The following FHIT variants were observed in gnomAD, a reference collection of about 807,000 sequenced individuals.
FHIT encodes the protein fragile histidine triad diadenosine triphosphatase, also known as bis(5'-adenosyl)-triphosphatase.
Under a neutral mutation model 17.9 loss-of-function variants are expected in FHIT, and 19 were observed. The observed-to-expected ratio is 1.06, with a 90% CI of 0.74 to 1.56. FHIT has a LOEUF of 1.56. FHIT is among the 40% of genes most tolerant of loss of function. The pLI is 0.00. For synonymous variants in FHIT, 81 were observed against 69.7 expected (o/e 1.16, Z -0.81); for missense variants, 248 against 189.2 (o/e 1.31, Z -1.82).
At chr3:60,970,488 C>T (rs1709961074) in intron 3 of FHIT, among the ~76,000 whole-genome samples, 1 of 151,940 alleles carries the variant, frequency 6.6e-6, no homozygotes, top group East Asian at 1.9e-4. Context: ...ATATTCTTAT[C>T]ACTATCTTAA....
chr3:60,925,975 G>T (rs1707583059), intron 3 of FHIT, among the ~76,000 whole-genome samples: 1 of 152,154 alleles, frequency 6.6e-6, no homozygotes, highest in East Asian at 1.9e-4. Flanking sequence ...TTACATAATG[G>T]TAAAGGGATC....
At chr3:61,060,132 T>C (rs1394925970) in intron 2 of FHIT, among the ~76,000 whole-genome samples, 1 of 152,176 alleles carries the variant, frequency 6.6e-6, no homozygotes, top group Non-Finnish European at 1.5e-5. Flanking sequence ...ATAATTATCT[T>C]ACCTGTTTTT....
chr3:60,030,977 T>C lies in FHIT; in HGVS notation c.104-16825A>G, dbSNP rs1398227656. On this transcript the variant is annotated intron_variant, in intron 5 of 9. Coordinates refer to ENST00000492590, the MANE Select transcript of FHIT (RefSeq NM_002012.4). ...GTTGTCTTCCTTTTCCCAAGTTATGTCCTCAGATAAATCTAAAAATGAGAA... is the reference window on the plus strand; with the variant it reads ...GTTGTCTTCCTTTTCCCAAGTTATGCCCTCAGATAAATCTAAAAATGAGAA... Among the ~76,000 whole-genome samples, 29 of 152,204 alleles carry C rather than the reference T, an allele frequency of 1.9e-4. 1 individual carries two copies.
At chr3:60,424,115 A>G (rs1320528131) in intron 5 of FHIT, among the ~76,000 whole-genome samples, 1 of 152,140 alleles carries the variant, frequency 6.6e-6, no homozygotes, top group African/African-American at 2.4e-5. Context: ...TAATATCCCT[A>G]CAATGGTGAT....
chr3:60,549,076 T>C (rs2036462097), intron 4 of FHIT, among the ~76,000 whole-genome samples: 1 of 152,212 alleles, frequency 6.6e-6, no homozygotes, highest in Non-Finnish European at 1.5e-5. Flanking sequence ...ACAATATTGG[T>C]GTATTTTGCC....
At chr3:60,816,864 T>C (rs146278108) in intron 4 of FHIT, among the ~76,000 whole-genome samples, 44 of 152,142 alleles carry the variant, frequency 2.9e-4, no homozygotes, top group Non-Finnish European at 4.7e-4. Flanking sequence ...TTTTAATTAG[T>C]GATTAGTCCA....
At chr3:61,182,634 T>C (rs1002851931) in intron 2 of FHIT, among the ~76,000 whole-genome samples, 2 of 152,144 alleles carry the variant, frequency 1.3e-5, no homozygotes, top group African/African-American at 2.4e-5. Flanking sequence ...AAATGAATGA[T>C]AGAATTCTCA....
intron 5 of FHIT, among the ~76,000 whole-genome samples, chr3:60,414,507 C>A (rs888568285): frequency 6.6e-6 from 1 of 152,182 alleles, no homozygotes; most frequent in Admixed American, 6.5e-5. Context: ...CTACTGTTAT[C>A]TTTGCCAAAG....
At chr3:60,874,173 T>C (rs1046466661) in intron 3 of FHIT, among the ~76,000 whole-genome samples, 3 of 152,144 alleles carry the variant, frequency 2.0e-5, no homozygotes, top group South Asian at 4.1e-4. Context: ...AATACCTACA[T>C]TGTAGGGCTG....
intron 8 of FHIT, among the ~76,000 whole-genome samples, chr3:59,837,965 G>T (rs1329739942): frequency 6.6e-6 from 1 of 152,072 alleles, no homozygotes; most frequent in Non-Finnish European, 1.5e-5. Flanking sequence ...TAAGCCTGGG[G>T]CAAATGTTAG....
At chr3:59,922,493 G>A in intron 7 of FHIT, 79 bp from the exon 8 acceptor site, 3 of 1,179,768 alleles carry the variant, frequency 2.5e-6, no homozygotes, top group Non-Finnish European at 3.7e-6. Context: ...CTCTCATGAA[G>A]CCCAATTACT....
chr3:60,552,816 T>C (rs1245182771), intron 4 of FHIT, among the ~76,000 whole-genome samples: 1 of 152,266 alleles, frequency 6.6e-6, no homozygotes, highest in African/African-American at 2.4e-5. Flanking sequence ...TACAGTCTTA[T>C]ACTTTTAACA....
At chr3:60,589,366 T>C (rs1477582073) in intron 4 of FHIT, among the ~76,000 whole-genome samples, 1 of 152,086 alleles carries the variant, frequency 6.6e-6, no homozygotes, top group East Asian at 1.9e-4. Context: ...TCCCTGTTAA[T>C]ACAAAGGGAG....
chr3:60,866,006 T>G (rs1398514492), intron 3 of FHIT, among the ~76,000 whole-genome samples: 1 of 152,050 alleles, frequency 6.6e-6, no homozygotes, highest in Non-Finnish European at 1.5e-5. Context: ...CGGGGAAGCA[T>G]TCAACAAGTA....
At chr3:61,080,420 C>T (rs140629021) in intron 2 of FHIT, among the ~76,000 whole-genome samples, 119 of 151,872 alleles carry the variant, frequency 7.8e-4, no homozygotes, top group African/African-American at 2.6e-3. Context: ...TAGGAAAACA[C>T]TATTGGAATG....
At chr3:60,927,183 T>C (rs1282777923) in intron 3 of FHIT, among the ~76,000 whole-genome samples, 1 of 152,152 alleles carries the variant, frequency 6.6e-6, no homozygotes, top group Non-Finnish European at 1.5e-5. Context: ...TATTTTTTGG[T>C]GGAGACGGGG....
chr3:59,906,367 T>G (rs1704584726), intron 8 of FHIT, among the ~76,000 whole-genome samples: 1 of 152,242 alleles, frequency 6.6e-6, no homozygotes, highest in South Asian at 2.1e-4. Context: ...AAATGCATTT[T>G]TAAGCTATCT....
intron 8 of FHIT, among the ~76,000 whole-genome samples, chr3:59,898,452 G>C (rs560927908): frequency 1.7e-5 from 2 of 116,380 alleles, no homozygotes; most frequent in East Asian, 1.9e-4. Context: ...TTGTGTGTGT[G>C]TGTGTGTGTG....
intron 5 of FHIT, among the ~76,000 whole-genome samples, chr3:60,150,345 T>A (rs1041444495): frequency 5.3e-5 from 8 of 152,120 alleles, no homozygotes; most frequent in Non-Finnish European, 7.4e-5. Flanking sequence ...CTGTAATTTC[T>A]CCTTGGGTAT....
Sources: allele counts gnomAD v4.1 joint callset (sites outside exome capture counted in the v4.1 genomes callset), GRCh38; gene constraint gnomAD v4.1.1; transcripts MANE v1.5; gene names NCBI Gene and HGNC (gene_info 2026-07-23, HGNC 2026-07-21).